The following PTPRN2 variants were observed in gnomAD, a reference collection of about 807,000 sequenced individuals.
PTPRN2 encodes protein tyrosine phosphatase receptor type N2.
PTPRN2 carries 74 observed loss-of-function variants against 118.8 expected under a neutral mutation model. The ratio of observed to expected loss-of-function variants is 0.62; its 90% CI spans 0.52 to 0.76. PTPRN2 has a LOEUF of 0.76. Ranked by LOEUF, PTPRN2 falls within the 30% of genes least tolerant of loss-of-function variation. PTPRN2 has a pLI of 0.00. For synonymous variants in PTPRN2, 641 were observed against 608.0 expected, an observed-to-expected ratio of 1.05 and a Z score of -0.80; for missense variants, 1,481 against 1,394.4, an observed-to-expected ratio of 1.06 and a Z score of -0.99.
chr7:158,316,830 A>T lies in PTPRN2; in HGVS notation c.266T>A (p.Leu89His). Reference protein sequence around the residue: ...LQRLRVALQKLSGTGFTWQDD... With the variant: ...LQRLRVALQKHSGTGFTWQDD... ...CACGCCCGCCCTACCTGTGCCGGAA[A>T]GCTTCTGCAACGCCACGCGCAGGCG... Residue 89 changes from leucine (L) to histidine (H), a missense_variant, in exon 3 of 23, where the codon CTT (leucine) becomes CAT (histidine). Physicochemically the swap from Leu to His is moderately conservative, Grantham distance 99. Around this residue, in one of 3 missense-constraint regions of PTPRN2, gnomAD observed 1,115 missense variants for 994.2 expected, o/e 1.12. Coordinates refer to ENST00000389418, the MANE Select transcript of PTPRN2 (RefSeq NM_002847.5). The T allele has an allele frequency of 6.2e-7, 1 of 1,603,574 alleles. No homozygotes were observed. The highest frequency in any genetic ancestry group is 8.5e-7 in the Non-Finnish European group (1 of 1,178,308).
At chr7:157,740,529 C>G (rs1800575228) in intron 12 of PTPRN2, 1 of 152,358 alleles carries the variant, frequency 6.6e-6, no homozygotes, top group African/African-American at 2.4e-5. Context: ...CTCCCTCTGT[C>G]CACGGGGTGA....
rs561430636 is a variant in PTPRN2, at chr7:158,563,486, A to T, written c.112+24072T>A. On this transcript the variant is annotated intron_variant, in intron 1 of 22. Transcript: ENST00000389418. This position sits in a 1 kb window ranked among gnomAD's most constrained non-coding sequence, Gnocchi z 5.1. Reference sequence around the variant, plus strand: ...AACCCAGCTGGTGCAAGCTAAAAAAATGACCAAGATATAAGGCCGTGGAAA... The same window carrying T: ...AACCCAGCTGGTGCAAGCTAAAAAATTGACCAAGATATAAGGCCGTGGAAA... Among the ~76,000 whole-genome samples the T allele has an allele frequency of 5.9e-5, 9 of 152,386 alleles. No individual in the cohort carries two copies. The South Asian group carries it at 1.9e-3, about 32-fold the overall frequency.
chr7:158,471,448 G>C (rs1428219997), intron 2 of PTPRN2, among the ~76,000 whole-genome samples: 1 of 152,200 alleles, frequency 6.6e-6, no homozygotes, highest in Non-Finnish European at 1.5e-5. Flanking sequence ...CCAGCACTTT[G>C]GGAGGCCGAC....
At chr7:158,069,979 A>G (rs1431985285) in intron 11 of PTPRN2, among the ~76,000 whole-genome samples, 1 of 152,242 alleles carries the variant, frequency 6.6e-6, no homozygotes, top group African/African-American at 2.4e-5. Flanking sequence ...GTCACAAAAC[A>G]AGCAAATAGC....
In PTPRN2 at chr7:157,676,579, C is replaced by CG. The variant is rs535194670; in HGVS notation, c.2001+6145dup. Among the ~76,000 whole-genome samples, 9 of 152,336 alleles carry CG rather than the reference C, an allele frequency of 5.9e-5. 1 individual carries two copies. In the South Asian group the frequency reaches 1.9e-3, roughly 32 times the overall value. ...TCCAGACCCACGGGACAGAAAAGCC[C>CG]GGGCCAGCCCCTCAACACCCTGCAG... On this transcript the variant is annotated intron_variant, in intron 13 of 22. Transcript: ENST00000389418. The surrounding 1 kb of genome is among the most constrained non-coding windows in gnomAD (Gnocchi z 5.6).
At chr7:158,263,093 TCACACACTGCACA>T (rs71198591) in intron 3 of PTPRN2, among the ~76,000 whole-genome samples, 24 of 117,630 alleles carry the variant, frequency 2.0e-4, no homozygotes, top group South Asian at 1.3e-3. Flanking sequence ...CCACACACAT[TCACACACTGCACA>T]CACACACTGC....
rs1804703495 is a variant in PTPRN2 at position 157,794,124 on chromosome 7, G to GCTCACACCTCCC, written c.1788+104548_1788+104549insGGGAGGTGTGAG. On this transcript the variant is annotated intron_variant, in intron 12 of 22. Coordinates refer to ENST00000389418, the MANE Select transcript of PTPRN2 (RefSeq NM_002847.5). This position sits in a 1 kb window ranked among gnomAD's most constrained non-coding sequence, Gnocchi z 5.2. ...CCCCTCATTCTCTGCTCTGACCCGG[G>GCTCACACCTCCC]CTCGCACCTCCCCTCGTTCTCTGCT... is the stretch of plus-strand genomic sequence containing the variant. Among the ~76,000 whole-genome samples the GCTCACACCTCCC allele has an allele frequency of 2.0e-5, 3 of 150,668 alleles. 1 individual carries two copies. Among genetic ancestry groups the GCTCACACCTCCC allele is most frequent in the African/African-American group, 7.3e-5 (3 of 41,310 alleles).
chr7:157,650,022 T>TGGAC (rs2150722212), intron 14 of PTPRN2, among the ~76,000 whole-genome samples: 1 of 152,266 alleles, frequency 6.6e-6, no homozygotes, highest in South Asian at 2.1e-4. Flanking sequence ...CTGAACTCGG[T>TGGAC]GGACGCGTAA....
At chr7:158,243,577 A>C (rs372592877) in intron 3 of PTPRN2, among the ~76,000 whole-genome samples, 5 of 152,316 alleles carry the variant, frequency 3.3e-5, no homozygotes, top group African/African-American at 9.6e-5. Context: ...CCACCTTCAG[A>C]GTTGGCCAGG....
intron 2 of PTPRN2, among the ~76,000 whole-genome samples, chr7:158,448,486 G>T (rs1817878526): frequency 6.6e-6 from 1 of 151,048 alleles, no homozygotes; most frequent in Non-Finnish European, 1.5e-5. Flanking sequence ...GCGCTGCAGT[G>T]CAGGAGGGTG....
chr7:157,711,723 CCG>C lies in PTPRN2; in HGVS notation c.1789-28788_1789-28787del, dbSNP rs386419900. ...GGCTGCATCCCTGGGACCCTGGTCT[CCG>C]TCACTGGGACGCAGCAGTTCTGCCG... is the stretch of plus-strand genomic sequence containing the variant. On this transcript the variant is annotated intron_variant, in intron 12 of 22. Coordinates refer to ENST00000389418, the MANE Select transcript of PTPRN2 (RefSeq NM_002847.5). 5.3e-5 allele frequency among the ~76,000 whole-genome samples: 8 copies of C among 152,036 alleles called. No homozygotes were observed. The South Asian group carries it at 1.2e-3, about 24-fold the overall frequency.
chr7:158,070,414 C>CGTG lies in PTPRN2; in HGVS notation c.1723+10881_1723+10883dup, dbSNP rs1192580121. Among the ~76,000 whole-genome samples the CGTG allele has an allele frequency of 1.2e-3, 110 of 93,046 alleles. 2 individuals carry two copies. Among genetic ancestry groups the CGTG allele is most frequent in the African/African-American group, 4.3e-3 (88 of 20,610 alleles). 61.0% of individuals were successfully genotyped at this position (93,046 alleles called of 152,430 possible). A position where few individuals can be genotyped will look rare whatever the true frequency, so the allele number is the denominator to read the frequency against. On this transcript the variant is annotated intron_variant, in intron 11 of 22. Coordinates refer to ENST00000389418, the MANE Select transcript of PTPRN2 (RefSeq NM_002847.5). ...AGGTGCTCGTGGTGGTGGACGTGCT[C>CGTG]GTGGTGGTGGTGCTCGTGGTGGTGG...
At chr7:158,341,587 G>C (rs1586387889) in intron 2 of PTPRN2, among the ~76,000 whole-genome samples, 1 of 75,908 alleles carries the variant, frequency 1.3e-5, no homozygotes, top group Non-Finnish European at 2.7e-5. Flanking sequence ...CATAAGAGGT[G>C]ACACCCGCAG....
At chr7:158,165,639 A>C (rs1822896120) in intron 6 of PTPRN2, among the ~76,000 whole-genome samples, 1 of 152,260 alleles carries the variant, frequency 6.6e-6, no homozygotes, top group Admixed American at 6.5e-5. Flanking sequence ...TAAGGAGCAG[A>C]GAGTGCTCAC....
intron 12 of PTPRN2, among the ~76,000 whole-genome samples, chr7:157,721,069 G>A (rs112989545): frequency 2.6e-4 from 39 of 152,338 alleles, no homozygotes; most frequent in African/African-American, 6.3e-4. Flanking sequence ...GGATGCAGCC[G>A]TGGTGTGTGT....
chr7:158,017,498 T>G (rs10949688), intron 11 of PTPRN2, among the ~76,000 whole-genome samples: 128,534 of 152,236 alleles, frequency 0.84, 54,436 homozygotes, highest in Non-Finnish European at 0.89. Flanking sequence ...AGCAGAGGCA[T>G]TTCTGAAATG....
At chr7:157,620,127 C>T (rs1440544718) in intron 15 of PTPRN2, among the ~76,000 whole-genome samples, 3 of 152,196 alleles carry the variant, frequency 2.0e-5, no homozygotes, top group Non-Finnish European at 4.4e-5. Context: ...CATCACTCAA[C>T]GTTGTGAGTA....
intron 1 of PTPRN2, among the ~76,000 whole-genome samples, chr7:158,540,833 G>A (rs551197349): frequency 2.6e-5 from 4 of 152,330 alleles, no homozygotes; most frequent in Admixed American, 6.5e-5. Context: ...TTAGCACTTC[G>A]GTTTGGCTTT....
At position 158,165,641 on chromosome 7, in the gene PTPRN2, A is replaced by T. The variant is rs186210544; in HGVS notation, c.910+1290T>A. On this transcript the variant is annotated intron_variant, in intron 6 of 22. Transcript: ENST00000389418. ...TTCAGCCTTCACTTAAGGAGCAGAG[A>T]GTGCTCACATAACGCGATGCTCAGG... 1.5e-3 allele frequency among the ~76,000 whole-genome samples: 222 copies of T among 152,382 alleles called. 2 individuals carry two copies. The highest frequency in any genetic ancestry group is 1.3e-3 in the Non-Finnish European group (90 of 68,032).
Sources: allele counts gnomAD v4.1 joint callset (sites outside exome capture counted in the v4.1 genomes callset), GRCh38; gene constraint gnomAD v4.1.1; regional missense constraint gnomAD v4.1.1; non-coding constraint Gnocchi (gnomAD v3.1); transcripts MANE v1.5; gene names NCBI Gene and HGNC (gene_info 2026-07-23, HGNC 2026-07-21).